Variants in INPP4B observed in about 807,000 individuals in gnomAD.
INPP4B encodes inositol polyphosphate-4-phosphatase type II B, also known as inositol polyphosphate 4-phosphatase type II.
INPP4B carries 55 observed loss-of-function variants against 122.5 expected under a neutral mutation model. The observed-to-expected ratio is 0.45, with a 90% CI of 0.36 to 0.56. The LOEUF is 0.56. INPP4B is among the 20% of genes least tolerant of loss of function. INPP4B has a pLI of 0.00. For missense variants in INPP4B, 1,000 were observed against 1,097.7 expected, an observed-to-expected ratio of 0.91 and a Z score of 1.26; for synonymous variants, 403 against 388.7, an observed-to-expected ratio of 1.04 and a Z score of -0.43.
chr4:142,524,281 A>T (rs1249252246), intron 2 of INPP4B, among the ~76,000 whole-genome samples: 2 of 152,056 alleles, frequency 1.3e-5, no homozygotes, highest in African/African-American at 4.8e-5. Flanking sequence ...CAACAGTGTA[A>T]AAGTGTTCCT....
chr4:142,770,420 CT>C (rs1772866015), intron 1 of INPP4B, among the ~76,000 whole-genome samples: 1 of 152,100 alleles, frequency 6.6e-6, no homozygotes, highest in Non-Finnish European at 1.5e-5. Flanking sequence ...AGAAGATGAA[CT>C]TTTCTGACAG....
intron 2 of INPP4B, among the ~76,000 whole-genome samples, chr4:142,656,683 C>A (rs959460570): frequency 1.3e-4 from 20 of 152,276 alleles, no homozygotes; most frequent in Middle Eastern, 3.4e-3. Context: ...AACTTGTCTC[C>A]CTGGTGGAGG....
intron 7 of INPP4B, among the ~76,000 whole-genome samples, chr4:142,346,598 G>A (rs1192871148): frequency 6.6e-6 from 1 of 151,900 alleles, no homozygotes; most frequent in African/African-American, 2.4e-5. Flanking sequence ...CAAGAATAAA[G>A]AGAAAGAATA....
At chr4:142,171,954 C>T (rs1041766217) in intron 16 of INPP4B, among the ~76,000 whole-genome samples, 4 of 151,740 alleles carry the variant, frequency 2.6e-5, no homozygotes, top group Admixed American at 6.6e-5. Flanking sequence ...GTGTGCTATT[C>T]GCTAAAATTT....
chr4:142,549,133 C>T (rs149437726), intron 2 of INPP4B, among the ~76,000 whole-genome samples: 1 of 152,206 alleles, frequency 6.6e-6, no homozygotes, highest in East Asian at 1.9e-4. Context: ...AACTTCTTAT[C>T]CAGAGTCCTT....
intron 7 of INPP4B, among the ~76,000 whole-genome samples, chr4:142,377,717 C>T (rs1792492543): frequency 6.6e-6 from 1 of 151,970 alleles, no homozygotes; most frequent in Non-Finnish European, 1.5e-5. Context: ...CAAAAAAATA[C>T]TCAAGAAATG....
At chr4:142,645,175 AATG>A (rs1201784413) in intron 2 of INPP4B, among the ~76,000 whole-genome samples, 2 of 152,188 alleles carry the variant, frequency 1.3e-5, no homozygotes, top group Admixed American at 1.3e-4. Context: ...GACATTTGTA[AATG>A]ATGATAATGA....
At chr4:142,691,819 C>T (rs1207557190) in intron 2 of INPP4B, among the ~76,000 whole-genome samples, 2 of 152,082 alleles carry the variant, frequency 1.3e-5, no homozygotes, top group African/African-American at 4.8e-5. Context: ...GTGGGGGGGA[C>T]AAGCAAAAGG....
At chr4:142,270,629 T>C in intron 10 of INPP4B, 34 bp downstream of exon 10, 1 of 1,377,548 alleles carries the variant, frequency 7.3e-7, no homozygotes, top group Non-Finnish European at 1.0e-6. Flanking sequence ...TCATTTTTAA[T>C]TTAATTTGTA....
At chr4:142,787,262 G>A (rs1048708911) in intron 1 of INPP4B, among the ~76,000 whole-genome samples, 2 of 152,126 alleles carry the variant, frequency 1.3e-5, no homozygotes, top group African/African-American at 4.8e-5. Flanking sequence ...ACCGTGCTGG[G>A]AGGTGAGGCC....
chr4:142,337,363 T>C (rs892178844), intron 7 of INPP4B, among the ~76,000 whole-genome samples: 3 of 151,952 alleles, frequency 2.0e-5, no homozygotes, highest in African/African-American at 7.3e-5. Context: ...AGAGATTACA[T>C]CTATAACTGG....
At chr4:142,479,517 T>C (rs1338774146) in intron 2 of INPP4B, among the ~76,000 whole-genome samples, 1 of 152,168 alleles carries the variant, frequency 6.6e-6, no homozygotes, top group Admixed American at 6.5e-5. Flanking sequence ...ACATGAATGT[T>C]CATTGGAGCA....
chr4:142,547,130 CTTT>C (rs11442528), intron 2 of INPP4B, among the ~76,000 whole-genome samples: 2 of 141,816 alleles, frequency 1.4e-5, no homozygotes, highest in South Asian at 2.2e-4. Flanking sequence ...GATCCCAGTG[CTTT>C]TTTTTTTTTT....
At chr4:142,695,865 T>A (rs1760945996) in intron 2 of INPP4B, among the ~76,000 whole-genome samples, 1 of 152,130 alleles carries the variant, frequency 6.6e-6, no homozygotes, top group Non-Finnish European at 1.5e-5. Flanking sequence ...AAGATGGATA[T>A]CCAGAGGGCT....
At chr4:142,507,156 T>C (rs530739542) in intron 2 of INPP4B, among the ~76,000 whole-genome samples, 4 of 152,192 alleles carry the variant, frequency 2.6e-5, no homozygotes, top group Non-Finnish European at 4.4e-5. Context: ...CCATTGATCA[T>C]ACAGTATTAT....
intron 1 of INPP4B, among the ~76,000 whole-genome samples, chr4:142,797,019 T>C (rs910680720): frequency 2.0e-5 from 3 of 151,760 alleles, no homozygotes; most frequent in African/African-American, 7.3e-5. Context: ...TTAAACATAT[T>C]GCCACCGTAA....
intron 5 of INPP4B, among the ~76,000 whole-genome samples, chr4:142,415,277 A>C (rs1805447735): frequency 6.6e-6 from 1 of 152,138 alleles, no homozygotes; most frequent in African/African-American, 2.4e-5. Flanking sequence ...GAAAGGTTAC[A>C]GGAAGGGTGG....
intron 18 of INPP4B, among the ~76,000 whole-genome samples, chr4:142,126,675 A>G (rs566689753): frequency 6.6e-6 from 1 of 152,288 alleles, no homozygotes; most frequent in South Asian, 2.1e-4. Flanking sequence ...ACTTATAGGC[A>G]GCCTAGAATA....
rs200194915 is a variant in INPP4B, at chr4:142,234,916, A to T, written c.836+2948T>A. Among the ~76,000 whole-genome samples the T allele has an allele frequency of 2.9e-4, 43 of 147,960 alleles. No homozygotes were observed. The East Asian group carries it at 7.9e-3, about 27-fold the overall frequency. ...ACAAAAGAGATACAGAGAAAGCCAT[A>T]AAGAGAAGAGAGAAGAGGGTAGGTG... On this transcript the variant is annotated intron_variant, in intron 12 of 25. Coordinates refer to ENST00000262992, the MANE Select transcript of INPP4B (RefSeq NM_001101669.3).
Sources: gnomAD v4.1 joint callset for allele counts (sites outside exome capture counted in the v4.1 genomes callset) on GRCh38, gnomAD v4.1.1 for gene constraint, MANE v1.5 for transcripts, NCBI Gene and HGNC (gene_info 2026-07-23, HGNC 2026-07-21) for gene names.